QTMAN: variants seen among roughly 807,000 people sequenced by gnomAD.
QTMAN encodes the protein tRNA-queuosine alpha-mannosyltransferase.
At chr2:144,308,292 G>A in the QTMAN span, among the ~76,000 whole-genome samples, 5 of 148,150 alleles carry the variant, frequency 3.4e-5, no homozygotes, top group Non-Finnish European at 5.9e-5. Flanking sequence ...TCAGCCTCCC[G>A]AGTAGCTGGG....
chr2:144,289,095 GC>G, the QTMAN span, among the ~76,000 whole-genome samples: 1 of 144,258 alleles, frequency 6.9e-6, no homozygotes, highest in South Asian at 2.2e-4. Flanking sequence ...GCGCAGTGGT[GC>G]GATCTCCACT....
At chr2:144,032,362 T>A in the QTMAN span, among the ~76,000 whole-genome samples, 1 of 152,224 alleles carries the variant, frequency 6.6e-6, no homozygotes, top group Non-Finnish European at 1.5e-5. Flanking sequence ...CAGCACCAAA[T>A]GTGGAACATA....
the QTMAN span, among the ~76,000 whole-genome samples, chr2:144,170,186 T>C: frequency 1.3e-5 from 2 of 152,198 alleles, no homozygotes; most frequent in African/African-American, 4.8e-5. Flanking sequence ...TGGCCAGTGG[T>C]GTTACTTTCC....
the QTMAN span, among the ~76,000 whole-genome samples, chr2:144,110,001 G>C: frequency 1.2e-3 from 179 of 152,310 alleles, no homozygotes; most frequent in African/African-American, 4.1e-3. Flanking sequence ...CAAGGATCTA[G>C]AACTAGAAAT....
At chr2:144,163,879 T>C in the QTMAN span, among the ~76,000 whole-genome samples, 1 of 152,196 alleles carries the variant, frequency 6.6e-6, no homozygotes, top group Non-Finnish European at 1.5e-5. Flanking sequence ...AAGGGAAGAC[T>C]GCCTGCTTTG....
At chr2:144,120,526 C>T in the QTMAN span, among the ~76,000 whole-genome samples, 1 of 152,164 alleles carries the variant, frequency 6.6e-6, no homozygotes, top group South Asian at 2.1e-4. Context: ...ATATGATGGA[C>T]ATCTGCTTTT....
At chr2:144,050,530 A>T in the QTMAN span, among the ~76,000 whole-genome samples, 2 of 152,164 alleles carry the variant, frequency 1.3e-5, no homozygotes, top group Non-Finnish European at 2.9e-5. Flanking sequence ...AATGGATTAA[A>T]TGTTAGCAAT....
chr2:143,956,849 G>A, the QTMAN span, among the ~76,000 whole-genome samples: 2,441 of 152,112 alleles, frequency 0.016, 66 homozygotes, highest in African/African-American at 0.055. Flanking sequence ...ATATATATGG[G>A]AGTTATAAGA....
chr2:144,103,812 A>G, the QTMAN span, among the ~76,000 whole-genome samples: 1 of 152,170 alleles, frequency 6.6e-6, no homozygotes, highest in Non-Finnish European at 1.5e-5. Context: ...TAATAGGGCC[A>G]GGCAGGGTGG....
the QTMAN span, among the ~76,000 whole-genome samples, chr2:143,966,829 T>G: frequency 6.6e-6 from 1 of 152,262 alleles, no homozygotes; most frequent in Non-Finnish European, 1.5e-5. Context: ...GTTGCTGAGT[T>G]ATAGTTTTCA....
chr2:143,975,629 T>C, the QTMAN span, among the ~76,000 whole-genome samples: 1 of 152,202 alleles, frequency 6.6e-6, no homozygotes, highest in Non-Finnish European at 1.5e-5. Flanking sequence ...TTGGACTACT[T>C]CTGGCCAATG....
At chr2:144,007,606 G>A in the QTMAN span, 1 of 919,914 alleles carries the variant, frequency 1.1e-6, no homozygotes, top group Non-Finnish European at 1.6e-6. Flanking sequence ...TTACCTTCCT[G>A]TAAGTACATA....
chr2:144,332,728 T>C, the QTMAN span, among the ~76,000 whole-genome samples: 2 of 151,792 alleles, frequency 1.3e-5, no homozygotes, highest in Non-Finnish European at 2.9e-5. Context: ...CGGGCTCGGC[T>C]CCTCGCACCT....
At chr2:144,321,567 G>A in the QTMAN span, among the ~76,000 whole-genome samples, 3 of 152,160 alleles carry the variant, frequency 2.0e-5, no homozygotes, top group East Asian at 3.9e-4. Flanking sequence ...ATGTCAGGAC[G>A]GATTAGCGTA....
At chr2:143,963,826 C>T in the QTMAN span, 1 of 151,966 alleles carries the variant, frequency 6.6e-6, no homozygotes, top group Non-Finnish European at 1.5e-5. Context: ...TTTATTTCAG[C>T]AAAGGACTGG....
At chr2:144,176,956 C>T in the QTMAN span, among the ~76,000 whole-genome samples, 5 of 152,142 alleles carry the variant, frequency 3.3e-5, no homozygotes, top group Non-Finnish European at 7.4e-5. Flanking sequence ...CTTACAATCA[C>T]CGCAGACGGT....
chr2:144,062,279 C>T, the QTMAN span, among the ~76,000 whole-genome samples: 21 of 152,224 alleles, frequency 1.4e-4, no homozygotes, highest in Admixed American at 3.9e-4. Flanking sequence ...GGCGTTTGAG[C>T]ACACAGTGGC....
At chr2:143,991,909 TG>T in the QTMAN span, among the ~76,000 whole-genome samples, 2 of 107,010 alleles carry the variant, frequency 1.9e-5, no homozygotes, top group East Asian at 3.0e-4. Context: ...GGGAGGGAGG[TG>T]GGGGGGTCAG....
At chr2:144,133,512 TAA>T in the QTMAN span, among the ~76,000 whole-genome samples, 1 of 85,700 alleles carries the variant, frequency 1.2e-5, no homozygotes, top group Non-Finnish European at 2.1e-5. Flanking sequence ...TATATATACA[TAA>T]TATATATAAA....
Sources: gnomAD v4.1 joint callset for allele counts (sites outside exome capture counted in the v4.1 genomes callset) on GRCh38, gnomAD v4.1.1 for gene constraint, MANE v1.5 for transcripts, NCBI Gene and HGNC (gene_info 2026-07-23, HGNC 2026-07-21) for gene names.